Variants in SPAG17 observed in about 807,000 individuals in gnomAD.
The protein encoded by SPAG17 is sperm-associated antigen 17.
In SPAG17, 169 loss-of-function variants were observed where a neutral mutation model predicts 273.6. That is an observed-to-expected ratio of 0.62 (90% CI 0.55 to 0.70). SPAG17 has a LOEUF of 0.70. Ranked by LOEUF, SPAG17 falls within the 30% of genes least tolerant of loss-of-function variation. SPAG17 has a pLI of 0.00. For synonymous variants in SPAG17, 825 were observed against 873.2 expected, an observed-to-expected ratio of 0.94 and a Z score of 0.97; for missense variants, 2,557 against 2,627.8, an observed-to-expected ratio of 0.97 and a Z score of 0.59.
rs537418510 is a variant in SPAG17, at chr1:118,014,388, T to A, written c.4287+1577A>T. Reference sequence around the variant, plus strand: ...GAGATGAATGAGGGAAATTAAAAGTTAACAAAGAAATGTTAATCAAACTTG... The same window carrying A: ...GAGATGAATGAGGGAAATTAAAAGTAAACAAAGAAATGTTAATCAAACTTG... On this transcript the variant is annotated intron_variant, in intron 29 of 48. Coordinates refer to ENST00000336338, the MANE Select transcript of SPAG17 (RefSeq NM_206996.4). Among the ~76,000 whole-genome samples the A allele has an allele frequency of 3.9e-5, 6 of 152,300 alleles. No individual in the cohort carries two copies. The South Asian group carries it at 1.2e-3, about 32-fold the overall frequency.
Position 118,005,496 on chromosome 1 carries a change from T to C in SPAG17, c.4694A>G (p.Gln1565Arg), listed in dbSNP as rs773009114. Reference sequence around the variant, plus strand: ...CATGATGTACCTGCCAGCTCGCAGCTGCTCACGCTTTTGAAAAGGATAGTA... The same window carrying C: ...CATGATGTACCTGCCAGCTCGCAGCCGCTCACGCTTTTGAAAAGGATAGTA... Reference protein sequence around the residue: ...NIYYPFQKREQLRAGRYIMRH... With the variant: ...NIYYPFQKRERLRAGRYIMRH... The change falls in exon 32 of 49, where the codon CAG (glutamine) becomes CGG (arginine). Residue 1565 changes from glutamine (Q) to arginine (R), a missense_variant. Physicochemically the swap from Gln to Arg is conservative, Grantham distance 43. Transcript: ENST00000336338. 2 of 1,613,632 alleles carry C rather than the reference T, an allele frequency of 1.2e-6. No homozygotes were observed. The highest frequency in any genetic ancestry group is 2.7e-5 in the African/African-American group (2 of 74,950).
intron 20 of SPAG17, among the ~76,000 whole-genome samples, chr1:118,048,302 G>T (rs1239373702): frequency 2.0e-5 from 3 of 152,094 alleles, no homozygotes; most frequent in African/African-American, 7.2e-5. Context: ...CCAGTCAACA[G>T]ATTTACCCCA....
At chr1:118,143,757 T>C (rs1436140246) in intron 3 of SPAG17, among the ~76,000 whole-genome samples, 4 of 152,142 alleles carry the variant, frequency 2.6e-5, no homozygotes, top group African/African-American at 9.7e-5. Flanking sequence ...CTGTAGAGTA[T>C]AGGGTGTTAA....
rs138978526 is a variant in SPAG17 at position 118,043,680 on chromosome 1, C to T, written c.2815-1638G>A. Among the ~76,000 whole-genome samples, 1,440 of 152,270 alleles carry T rather than the reference C, an allele frequency of 9.5e-3. 13 individuals carry two copies. Among genetic ancestry groups the T allele is most frequent in the South Asian group, 0.017 (83 of 4,832 alleles). On this transcript the variant is annotated intron_variant, in intron 20 of 48. Transcript: ENST00000336338. The stretch of plus-strand genomic sequence containing the variant: ...ATACTAGAAATATCAGCAAATGCTA[C>T]AAGTCAGGACTGATTGATTGTTTAT...
chr1:118,025,200 G>C, intron 27 of SPAG17, 38 bp downstream of exon 27: 2 of 1,599,990 alleles, frequency 1.3e-6, no homozygotes, highest in East Asian at 4.5e-5. Context: ...TTTTACTTTG[G>C]AACAGGGAAG....
intron 26 of SPAG17, 36 bp downstream of exon 26, chr1:118,028,238 T>C: frequency 6.3e-7 from 1 of 1,578,202 alleles, no homozygotes. Context: ...GACATTTTGC[T>C]CCCTGCTTCC....
intron 17 of SPAG17, among the ~76,000 whole-genome samples, chr1:118,071,019 C>CA (rs971054954): frequency 6.8e-6 from 1 of 147,152 alleles, no homozygotes; most frequent in Non-Finnish European, 1.5e-5. Flanking sequence ...GAAAATTAGA[C>CA]TTTTTTTTTT....
At chr1:118,023,823 C>T (rs1275234342) in intron 27 of SPAG17, among the ~76,000 whole-genome samples, 3 of 152,024 alleles carry the variant, frequency 2.0e-5, no homozygotes, top group Non-Finnish European at 1.5e-5. Flanking sequence ...TTTCTAACAA[C>T]TGTATTTAAA....
rs1571169352 is a variant in SPAG17 at position 117,991,449 on chromosome 1, C to A, written c.5441G>T (p.Arg1814Ile). 1.2e-6 allele frequency: 2 copies of A among 1,611,308 alleles called. No individual in the cohort carries two copies. Among genetic ancestry groups the A allele is most frequent in the East Asian group, 4.5e-5 (2 of 44,694 alleles). ...MVKDSRTEEE[R>I]GNAADLLKLV... ...CTTGAGGAGATCAGCAGCATTGCCTCTCTCCTCCTCAGTTCTGGAATCTTT... is the reference window on the plus strand; with the variant it reads ...CTTGAGGAGATCAGCAGCATTGCCTATCTCCTCCTCAGTTCTGGAATCTTT... Residue 1814 changes from arginine to isoleucine, a missense_variant, in exon 37 of 49, where the codon AGA becomes ATA. Transcript: ENST00000336338.
intron 32 of SPAG17, among the ~76,000 whole-genome samples, chr1:118,005,039 A>G (rs1658731109): frequency 6.6e-6 from 1 of 152,164 alleles, no homozygotes; most frequent in East Asian, 1.9e-4. Context: ...TTACTCTGTG[A>G]CTACTCAAAG....
intron 7 of SPAG17, among the ~76,000 whole-genome samples, 197 bp from the exon 8 acceptor site, chr1:118,093,514 G>A (rs1397051383): frequency 6.6e-6 from 1 of 152,040 alleles, no homozygotes; most frequent in Admixed American, 6.5e-5. Flanking sequence ...TTTGTTTACC[G>A]CAATATGGAC....
intron 3 of SPAG17, among the ~76,000 whole-genome samples, chr1:118,136,833 T>TGTGTGTGTGTGTGTG (rs1553254756): frequency 1.2e-4 from 16 of 137,558 alleles, no homozygotes; most frequent in South Asian, 5.2e-4. Context: ...GTGTGTGTGT[T>TGTGTGTGTGTGTGTG]TTTAATGATG....
chr1:118,023,452 T>A lies in SPAG17; in HGVS notation c.3921A>T (p.Ala1307=), dbSNP rs750563933. Residue 1307 remains alanine (A), a synonymous_variant, in exon 28 of 49, where the codon GCA becomes GCT. Transcript: ENST00000336338. The stretch of plus-strand genomic sequence containing the variant: ...TGGGACTCCTGCTCACAGCACCATC[T>A]GCAAAGAGAATCTGAAGAATGAACA... ...MLDGSTQILF[A]DGAVSRSPNS... is the part of the protein sequence containing the mutation. 1 of 1,604,790 alleles carries A rather than the reference T, an allele frequency of 6.2e-7. No homozygotes were observed. Among genetic ancestry groups the A allele is most frequent in the African/African-American group, 1.3e-5 (1 of 74,628 alleles).
At chr1:118,129,441 G>C (rs1050822214) in intron 3 of SPAG17, among the ~76,000 whole-genome samples, 10 of 152,200 alleles carry the variant, frequency 6.6e-5, no homozygotes, top group African/African-American at 2.4e-4. Flanking sequence ...TCTGGGGGTA[G>C]GGCCAGCAGT....
chr1:118,153,467 A>G (rs560937302), intron 1 of SPAG17, among the ~76,000 whole-genome samples: 35 of 152,318 alleles, frequency 2.3e-4, no homozygotes, highest in African/African-American at 8.2e-4. Flanking sequence ...CATAATCCTT[A>G]AATTGCACCT....
At chr1:118,092,080 G>T in intron 8 of SPAG17, 78 bp from the exon 9 acceptor site, 1 of 1,124,456 alleles carries the variant, frequency 8.9e-7, no homozygotes, top group Non-Finnish European at 1.4e-6. Context: ...GGTATGATGA[G>T]ATCCAACAGG....
intron 10 of SPAG17, 22 bp from the exon 11 acceptor site, chr1:118,087,030 G>A (rs1431442176): frequency 6.5e-7 from 1 of 1,545,924 alleles, no homozygotes; most frequent in Non-Finnish European, 8.7e-7. Flanking sequence ...AACAATGAGA[G>A]GAATTGGTGT....
intron 19 of SPAG17, 46 bp from the exon 20 acceptor site, chr1:118,054,139 TATC>T: frequency 7.6e-7 from 1 of 1,311,282 alleles, no homozygotes; most frequent in South Asian, 1.3e-5. Flanking sequence ...TTAAATAAGA[TATC>T]ATAGAAGGCC....
rs541316167 is a variant in SPAG17 at position 118,106,282 on chromosome 1, T to C, written c.448-4356A>G. ...TTACATTCTTACTATAGTCCAAATA[T>C]TCTATCTCGTCAAGTCTTCACAATA... On this transcript the variant is annotated intron_variant, in intron 4 of 48. Coordinates refer to ENST00000336338, the MANE Select transcript of SPAG17 (RefSeq NM_206996.4). 6.6e-5 allele frequency among the ~76,000 whole-genome samples: 10 copies of C among 152,354 alleles called. No homozygotes were observed. The South Asian group carries it at 2.1e-3, about 32-fold the overall frequency.
Sources: gnomAD v4.1 joint callset for allele counts (sites outside exome capture counted in the v4.1 genomes callset) on GRCh38, gnomAD v4.1.1 for gene constraint, MANE v1.5 for transcripts, NCBI Gene and HGNC (gene_info 2026-07-23, HGNC 2026-07-21) for gene names.